LARGE1: variants seen among roughly 807,000 people sequenced by gnomAD.
LARGE1 encodes LARGE xylosyl- and glucuronyltransferase 1.
LARGE1 carries 43 observed loss-of-function variants against 87.6 expected under a neutral mutation model. That is an observed-to-expected ratio of 0.49 (90% CI 0.38 to 0.63). The LOEUF (loss-of-function observed/expected upper bound fraction) is 0.63, where lower values mean the gene tolerates loss of function less well. Among genes scored for constraint, LARGE1 ranks in the 30% least tolerant of loss-of-function variants. The probability of loss-of-function intolerance (pLI) is 0.00; values close to 1 mark genes in which losing one functional copy is unlikely to be tolerated. For synonymous variants in LARGE1, 434 were observed against 394.6 expected (o/e 1.10, Z -1.18); for missense variants, 802 against 1,000.2 (o/e 0.80, Z 2.67).
intron 6 of LARGE1, among the ~76,000 whole-genome samples, chr22:33,464,364 A>T (rs1325483552): frequency 6.6e-6 from 1 of 152,032 alleles, no homozygotes; most frequent in African/African-American, 2.4e-5. Context: ...GTAAGACCGT[A>T]AAAAAAATGA....
At chr22:33,223,006 A>G (rs551492099) in intron 11 of LARGE1, among the ~76,000 whole-genome samples, 18 of 152,292 alleles carry the variant, frequency 1.2e-4, no homozygotes, top group African/African-American at 4.1e-4. Flanking sequence ...CGTGTTGTAA[A>G]GAGCCTGCCC....
At chr22:33,085,565 A>G in the LARGE1 span, among the ~76,000 whole-genome samples, 1 of 152,232 alleles carries the variant, frequency 6.6e-6, no homozygotes, top group Admixed American at 6.5e-5. Context: ...AAAATTGGAA[A>G]GCAGCTCTAA....
At position 33,507,017 on chromosome 22, in the gene LARGE1, C is replaced by T. The variant is rs183847381; in HGVS notation, c.787+57831G>A. 2.0e-5 allele frequency among the ~76,000 whole-genome samples: 3 copies of T among 152,268 alleles called. No individual in the cohort carries two copies. In the East Asian group the frequency reaches 5.8e-4, roughly 29 times the overall value. ...CAAGGGAGAGTTTGCTTTTAAGGTA[C>T]TCACAGGCTGAAGAGGGAGTGGGAA... On this transcript the variant is annotated intron_variant, in intron 6 of 14. Transcript: ENST00000397394.
chr22:33,230,052 A>T (rs1925932336), intron 11 of LARGE1, among the ~76,000 whole-genome samples: 1 of 124,700 alleles, frequency 8.0e-6, no homozygotes, highest in Non-Finnish European at 1.6e-5. Context: ...TTGCTCGGTC[A>T]CCAGGCTGGA....
chr22:33,185,174 TG>T (rs1442491043), intron 11 of LARGE1, among the ~76,000 whole-genome samples: 1 of 152,124 alleles, frequency 6.6e-6, no homozygotes, highest in Non-Finnish European at 1.5e-5. Flanking sequence ...AGTAGGTGAC[TG>T]GGTAAATAAA....
chr22:33,233,809 A>T (rs999220796), intron 11 of LARGE1, among the ~76,000 whole-genome samples: 5 of 152,212 alleles, frequency 3.3e-5, no homozygotes, highest in African/African-American at 1.2e-4. Context: ...TCCAAGATCA[A>T]GGTGTTGACA....
intron 7 of LARGE1, among the ~76,000 whole-genome samples, chr22:33,396,628 A>G (rs547414780): frequency 1.3e-5 from 2 of 152,238 alleles, no homozygotes; most frequent in South Asian, 4.2e-4. Context: ...TCATTCAATA[A>G]ATATATATTT....
At chr22:33,328,692 A>G (rs532715252) in intron 10 of LARGE1, among the ~76,000 whole-genome samples, 33 of 152,246 alleles carry the variant, frequency 2.2e-4, no homozygotes, top group African/African-American at 7.2e-4. Context: ...CCGTATCCAT[A>G]TAACAACTAG....
chr22:33,214,278 T>A (rs928827085), intron 11 of LARGE1, among the ~76,000 whole-genome samples: 1 of 152,162 alleles, frequency 6.6e-6, no homozygotes, highest in Non-Finnish European at 1.5e-5. Context: ...TGTCTTCAGA[T>A]GGGTTCTCTT....
chr22:33,566,005 G>A (rs1031975884), intron 5 of LARGE1, among the ~76,000 whole-genome samples: 10 of 151,988 alleles, frequency 6.6e-5, no homozygotes, highest in Non-Finnish European at 1.5e-4. Context: ...TTTTCAAGAG[G>A]GTAACACTTT....
chr22:33,803,058 A>G (rs1485578395), intron 1 of LARGE1, among the ~76,000 whole-genome samples: 2 of 152,196 alleles, frequency 1.3e-5, no homozygotes, highest in African/African-American at 2.4e-5. Flanking sequence ...ACGGATACCA[A>G]GGAAGATCAA....
At chr22:33,387,400 G>A (rs752729433) in intron 7 of LARGE1, among the ~76,000 whole-genome samples, 30 of 147,172 alleles carry the variant, frequency 2.0e-4, no homozygotes, top group Admixed American at 6.8e-4. Context: ...GTCCTCCAGT[G>A]GGGGTAACAG....
At chr22:33,225,080 G>A (rs1925664733) in intron 11 of LARGE1, among the ~76,000 whole-genome samples, 1 of 152,188 alleles carries the variant, frequency 6.6e-6, no homozygotes, top group African/African-American at 2.4e-5. Flanking sequence ...ATGTCAAATG[G>A]CTCATTGAGA....
At chr22:33,075,565 T>C in the LARGE1 span, among the ~76,000 whole-genome samples, 2 of 152,182 alleles carry the variant, frequency 1.3e-5, no homozygotes, top group Non-Finnish European at 2.9e-5. Flanking sequence ...GCTTGGAGAA[T>C]GTTAGTAACT....
intron 11 of LARGE1, among the ~76,000 whole-genome samples, chr22:33,266,527 G>T (rs1927951478): frequency 6.6e-6 from 1 of 151,624 alleles, no homozygotes; most frequent in African/African-American, 2.4e-5. Context: ...CCGAGCCAGG[G>T]CTCTTATTTA....
chr22:33,619,766 C>T (rs1462431977), intron 4 of LARGE1, among the ~76,000 whole-genome samples: 1 of 152,064 alleles, frequency 6.6e-6, no homozygotes, highest in East Asian at 1.9e-4. Flanking sequence ...TGCTCACCTC[C>T]TGAAGGCATA....
Position 33,500,402 on chromosome 22 carries a change from A to G in LARGE1, c.787+64446T>C, listed in dbSNP as rs78919898. 5.1e-3 allele frequency among the ~76,000 whole-genome samples: 781 copies of G among 152,316 alleles called. 6 individuals are homozygous for G. The highest frequency in any genetic ancestry group is 0.018 in the African/African-American group (735 of 41,574). Reference sequence around the variant, plus strand: ...GAAAACTCCTAATCTTACCTGTTCAATTATAGGTACAAACACTCTTTGAGG... The same window carrying G: ...GAAAACTCCTAATCTTACCTGTTCAGTTATAGGTACAAACACTCTTTGAGG... On this transcript the variant is annotated intron_variant, in intron 6 of 14. Coordinates refer to ENST00000397394, the MANE Select transcript of LARGE1 (RefSeq NM_133642.5).
At chr22:33,153,304 A>G in the LARGE1 span, among the ~76,000 whole-genome samples, 1 of 152,240 alleles carries the variant, frequency 6.6e-6, no homozygotes, top group Non-Finnish European at 1.5e-5. Context: ...CTGAAATTAC[A>G]GACACGTGCC....
the LARGE1 span, among the ~76,000 whole-genome samples, chr22:33,081,386 A>G: frequency 6.6e-6 from 1 of 152,136 alleles, no homozygotes; most frequent in Non-Finnish European, 1.5e-5. Context: ...GTAACCTGTG[A>G]GCTAAGTTTT....
Sources: allele counts gnomAD v4.1 joint callset (sites outside exome capture counted in the v4.1 genomes callset), GRCh38; gene constraint gnomAD v4.1.1; transcripts MANE v1.5; gene names NCBI Gene and HGNC (gene_info 2026-07-23, HGNC 2026-07-21).